Variants in BMP7 observed in about 807,000 individuals in gnomAD.
BMP7 encodes osteogenic protein 1.
In BMP7, 12 loss-of-function variants were observed where a neutral mutation model predicts 41.2. The ratio of observed to expected loss-of-function variants is 0.29; its 90% CI spans 0.19 to 0.47. The LOEUF (loss-of-function observed/expected upper bound fraction) is 0.47. Ranked by LOEUF, BMP7 falls within the 20% of genes least tolerant of loss-of-function variation. BMP7 has a pLI of 0.99. For synonymous variants in BMP7, 248 were observed against 250.0 expected (o/e 0.99, Z 0.07); for missense variants, 467 against 606.0 (o/e 0.77, Z 2.41).
intron 3 of BMP7, among the ~76,000 whole-genome samples, chr20:57,201,178 G>A (rs1037364613): frequency 6.6e-6 from 1 of 152,218 alleles, no homozygotes; most frequent in Non-Finnish European, 1.5e-5. Context: ...CGTACATTAA[G>A]GCACTATTTT....
At position 57,180,805 on chromosome 20, in the gene BMP7, G is replaced by C. The variant is rs192131543; in HGVS notation, c.958+2917C>G. 3.8e-3 allele frequency among the ~76,000 whole-genome samples: 580 copies of C among 152,192 alleles called. 3 individuals carry two copies. Among genetic ancestry groups the C allele is most frequent in the Middle Eastern group, 0.017 (5 of 294 alleles). ...CACACAGACCCACTGAGGTCCATCC[G>C]GGGGCCCCAGGACACCCGCCAGGGG... is the stretch of plus-strand genomic sequence containing the variant. On this transcript the variant is annotated intron_variant, in intron 4 of 6. Coordinates refer to ENST00000395863, the MANE Select transcript of BMP7 (RefSeq NM_001719.3).
intron 1 of BMP7, among the ~76,000 whole-genome samples, chr20:57,252,427 A>C (rs951699769): frequency 1.3e-5 from 2 of 152,212 alleles, no homozygotes; most frequent in Non-Finnish European, 2.9e-5. Context: ...CCCACCCCAG[A>C]GTAAGTTACC....
intron 3 of BMP7, among the ~76,000 whole-genome samples, chr20:57,185,050 C>T (rs1380520900): frequency 6.6e-6 from 1 of 152,116 alleles, no homozygotes; most frequent in African/African-American, 2.4e-5. Flanking sequence ...TTTATAAGGC[C>T]ACTCAGGCTG....
In BMP7 at chr20:57,266,220, T is replaced by C. The variant is rs567669737; in HGVS notation, c.-98A>G. Reference sequence around the variant, plus strand: ...CGGCCGTCCGCGCCGCTCGGTCACTTGCTGCAGACGGGCCCCGCTGCGCCC... The same window carrying C: ...CGGCCGTCCGCGCCGCTCGGTCACTCGCTGCAGACGGGCCCCGCTGCGCCC... On this transcript the variant is annotated 5_prime_UTR_variant, in exon 1 of 7. Transcript: ENST00000395863. The C allele has an allele frequency of 9.2e-5, 117 of 1,272,556 alleles. 1 individual carries two copies. The African/African-American group carries it at 1.6e-3, about 17-fold the overall frequency. 78.8% of individuals were successfully genotyped at this position (1,272,556 alleles called of 1,614,324 possible). A position where few individuals can be genotyped will look rare whatever the true frequency, so the allele number is the denominator to read the frequency against.
intron 1 of BMP7, among the ~76,000 whole-genome samples, chr20:57,230,117 G>A (rs891171187): frequency 5.9e-5 from 9 of 152,132 alleles, no homozygotes; most frequent in South Asian, 2.1e-4. Flanking sequence ...GAGAGCTGGC[G>A]GGAGGGAAGG....
At chr20:57,176,114 G>A (rs917986264) in intron 4 of BMP7, among the ~76,000 whole-genome samples, 1 of 152,220 alleles carries the variant, frequency 6.6e-6, no homozygotes, top group African/African-American at 2.4e-5. Flanking sequence ...AAGACATAGA[G>A]ACTTCTGGAA....
At position 57,181,083 on chromosome 20, in the gene BMP7, A is replaced by G. The variant is rs571361718; in HGVS notation, c.958+2639T>C. 2.1e-3 allele frequency among the ~76,000 whole-genome samples: 313 copies of G among 152,254 alleles called. 2 individuals carry two copies. The highest frequency in any genetic ancestry group is 5.3e-3 in the African/African-American group (219 of 41,528). ...TGATAAGCAGCTAATAGCTTCCCAC[A>G]TGGTGGCAGGGCAGGTTTGCACCTC... On this transcript the variant is annotated intron_variant, in intron 4 of 6. Transcript: ENST00000395863.
At chr20:57,195,651 G>T (rs1404721229) in intron 3 of BMP7, among the ~76,000 whole-genome samples, 1 of 152,262 alleles carries the variant, frequency 6.6e-6, no homozygotes, top group Admixed American at 6.5e-5. Context: ...TTCCACAGCC[G>T]CCGCAGGCGA....
chr20:57,209,034 A>G (rs1984809384), intron 2 of BMP7, among the ~76,000 whole-genome samples: 1 of 150,440 alleles, frequency 6.6e-6, no homozygotes, highest in African/African-American at 2.4e-5. Flanking sequence ...AAATATAAAA[A>G]TTGGCCAGGC....
chr20:57,229,291 G>T (rs149487215), intron 1 of BMP7, among the ~76,000 whole-genome samples: 82 of 152,320 alleles, frequency 5.4e-4, no homozygotes, highest in African/African-American at 1.9e-3. Context: ...AGGTGCCAAG[G>T]TTTACAGTCA....
At chr20:57,217,421 CTG>C (rs1285723270) in intron 2 of BMP7, among the ~76,000 whole-genome samples, 2 of 152,250 alleles carry the variant, frequency 1.3e-5, no homozygotes, top group East Asian at 3.8e-4. Context: ...ATGGAGTGCT[CTG>C]TGCCAGGCAC....
At chr20:57,192,246 CATATATACTATAGTATATATAGT>C (rs1239555343) in intron 3 of BMP7, among the ~76,000 whole-genome samples, 2 of 118,740 alleles carry the variant, frequency 1.7e-5, no homozygotes, top group Admixed American at 9.6e-5. Flanking sequence ...TAGTATATAG[CATATATACTATAGTATATATAGT>C]ATATATACTA....
At chr20:57,244,505 G>A (rs73170233) in intron 1 of BMP7, among the ~76,000 whole-genome samples, 27,054 of 152,248 alleles carry the variant, frequency 0.18, 2,581 homozygotes, top group South Asian at 0.22. Context: ...GAGAGAACTG[G>A]GGTTGAGCGT....
intron 1 of BMP7, among the ~76,000 whole-genome samples, chr20:57,256,151 G>A (rs929452290): frequency 2.0e-5 from 3 of 152,182 alleles, no homozygotes; most frequent in Non-Finnish European, 4.4e-5. Context: ...AAAATGAAGC[G>A]CAAGATGGGA....
At chr20:57,193,572 G>T (rs1020242943) in intron 3 of BMP7, among the ~76,000 whole-genome samples, 3 of 152,158 alleles carry the variant, frequency 2.0e-5, no homozygotes, top group Admixed American at 2.0e-4. Context: ...TTTTGCATTG[G>T]CTTATTCCAA....
chr20:57,219,086 A>G (rs389790), intron 2 of BMP7, among the ~76,000 whole-genome samples: 1,907 of 78,606 alleles, frequency 0.024, 373 homozygotes, highest in African/African-American at 0.17. Flanking sequence ...GCGTTTGTTC[A>G]GTGGTAGCTG....
In BMP7 at chr20:57,214,215, AC is replaced by A. The variant is rs1177872117; in HGVS notation, c.612-11593del. Among the ~76,000 whole-genome samples, 3 of 151,970 alleles carry A rather than the reference AC, an allele frequency of 2.0e-5. No homozygotes were observed. The highest frequency in any genetic ancestry group is 7.3e-5 in the African/African-American group (3 of 41,362). On this transcript the variant is annotated intron_variant, in intron 2 of 6. Transcript: ENST00000395863. The surrounding 1 kb of genome is among the most constrained non-coding windows in gnomAD (Gnocchi z 4.0). ...CAGAGCCTTGTTCCAGCAAAGTGTC[AC>A]CCCTGCACGGTGATGGTTTGATGGT...
At chr20:57,256,418 C>T (rs982203461) in intron 1 of BMP7, among the ~76,000 whole-genome samples, 2 of 144,662 alleles carry the variant, frequency 1.4e-5, no homozygotes, top group Non-Finnish European at 2.9e-5. Flanking sequence ...TTCCTGGACG[C>T]TCTCTGGTGC....
At chr20:57,190,777 G>A (rs1240611371) in intron 3 of BMP7, among the ~76,000 whole-genome samples, 2 of 152,170 alleles carry the variant, frequency 1.3e-5, no homozygotes, top group Non-Finnish European at 2.9e-5. Context: ...AACAACTTAG[G>A]GGAAGGATGG....
Sources: gnomAD v4.1 joint callset for allele counts (sites outside exome capture counted in the v4.1 genomes callset) on GRCh38, gnomAD v4.1.1 for gene constraint, Gnocchi (gnomAD v3.1) non-coding constraint, MANE v1.5 for transcripts, NCBI Gene and HGNC (gene_info 2026-07-23, HGNC 2026-07-21) for gene names.